TMEM181: variants seen among roughly 807,000 people sequenced by gnomAD.
TMEM181 encodes the protein G protein-coupled receptor 178.
Under a neutral mutation model 71.9 loss-of-function variants are expected in TMEM181, and 39 were observed. The ratio of observed to expected loss-of-function variants is 0.54; its 90% CI spans 0.42 to 0.71. TMEM181 has a LOEUF of 0.71. TMEM181 is among the 30% of genes least tolerant of loss of function. The probability of loss-of-function intolerance (pLI) is 0.00; values close to 1 mark genes in which losing one functional copy is unlikely to be tolerated. For missense variants in TMEM181, 595 were observed against 583.0 expected, an observed-to-expected ratio of 1.02 and a Z score of -0.21; for synonymous variants, 245 against 228.8, an observed-to-expected ratio of 1.07 and a Z score of -0.64.
intron 1 of TMEM181, among the ~76,000 whole-genome samples, chr6:158,569,960 A>G (rs1347386348): frequency 6.6e-6 from 1 of 152,210 alleles, no homozygotes; most frequent in African/African-American, 2.4e-5. Context: ...TTGCTAAATA[A>G]CTGTGCTAGT....
chr6:158,607,348 G>A lies in TMEM181; in HGVS notation c.673+5G>A. ...CTCTGCTGCTACTTTACAATGGTGG[G>A]TAGTTCCATTTTTACTTAGGAACTT... On this transcript the variant is annotated splice_donor_5th_base_variant and intron_variant, in intron 8 of 16. Coordinates refer to ENST00000684151, the MANE Select transcript of TMEM181 (RefSeq NM_001376852.1). 1.2e-6 allele frequency: 2 copies of A among 1,613,248 alleles called. No individual in the cohort carries two copies. The highest frequency in any genetic ancestry group is 8.5e-7 in the Non-Finnish European group (1 of 1,179,152).
chr6:158,622,059 G>A (rs975140016), intron 10 of TMEM181, among the ~76,000 whole-genome samples: 3 of 152,052 alleles, frequency 2.0e-5, no homozygotes, highest in African/African-American at 4.8e-5. Flanking sequence ...CCAGACACCC[G>A]CCCTGCCTGC....
In TMEM181 at chr6:158,633,272, T is replaced by C. The variant is rs1055899701; in HGVS notation, c.*1384T>C. 13 of 152,116 alleles carry C rather than the reference T, an allele frequency of 8.5e-5. No individual in the cohort carries two copies. Among genetic ancestry groups the C allele is most frequent in the African/African-American group, 2.9e-4 (12 of 41,412 alleles). 9.4% of individuals were successfully genotyped at this position (152,116 alleles called of 1,614,324 possible). A position where few individuals can be genotyped will look rare whatever the true frequency, so the allele number is the denominator to read the frequency against. ...TCCATGTGTCCACATGGCGGTCAGG[T>C]AGGGACGACCTGTTCTGTAAAGTCC... On this transcript the variant is annotated 3_prime_UTR_variant, in exon 17 of 17. Transcript: ENST00000684151.
intron 6 of TMEM181, among the ~76,000 whole-genome samples, chr6:158,603,227 T>C (rs1784766517): frequency 6.6e-6 from 1 of 152,150 alleles, no homozygotes; most frequent in Admixed American, 6.5e-5. Flanking sequence ...TCCCCAGCCT[T>C]TTTGGCATCG....
chr6:158,567,690 C>T (rs1388673827), intron 1 of TMEM181, among the ~76,000 whole-genome samples: 1 of 152,204 alleles, frequency 6.6e-6, no homozygotes, highest in African/African-American at 2.4e-5. Flanking sequence ...AGAATTGAAG[C>T]TCTGGAGTTG....
chr6:158,605,952 C>T (rs1264277111), intron 7 of TMEM181, among the ~76,000 whole-genome samples: 5 of 152,166 alleles, frequency 3.3e-5, no homozygotes, highest in African/African-American at 1.2e-4. Flanking sequence ...GATCTGTTGC[C>T]GCCCGAAGTG....
At chr6:158,585,267 G>C in intron 4 of TMEM181, 37 bp from the exon 5 acceptor site, 1 of 1,553,036 alleles carries the variant, frequency 6.4e-7, no homozygotes, top group Non-Finnish European at 8.7e-7. Context: ...TGATGTGCCT[G>C]GCATGGTCTC....
rs535432434 is a variant in TMEM181 at position 158,541,504 on chromosome 6, T to C, written c.131+4639T>C. Among the ~76,000 whole-genome samples, 5 of 152,294 alleles carry C rather than the reference T, an allele frequency of 3.3e-5. No individual in the cohort carries two copies. In the South Asian group the frequency reaches 8.3e-4, roughly 25 times the overall value. On this transcript the variant is annotated intron_variant, in intron 1 of 16. Transcript: ENST00000367090. Reference sequence around the variant, plus strand: ...ACCCTGGGGCACCCATCTCCTCCTCTGATGGATTTTCCAATGGGTGGCAGT... The same window carrying C: ...ACCCTGGGGCACCCATCTCCTCCTCCGATGGATTTTCCAATGGGTGGCAGT...
intron 10 of TMEM181, chr6:158,610,705 G>A (rs1785249788): frequency 1.8e-5 from 5 of 285,558 alleles, no homozygotes; most frequent in South Asian, 1.3e-4. Context: ...CGTTATGGGC[G>A]CTCACTGCAG....
intron 1 of TMEM181, among the ~76,000 whole-genome samples, chr6:158,570,050 T>C (rs990929044): frequency 2.2e-4 from 33 of 152,202 alleles, no homozygotes; most frequent in Non-Finnish European, 4.4e-5. Flanking sequence ...GTAATTTCTC[T>C]TGTGCTTTTA....
At position 158,632,255 on chromosome 6, in the gene TMEM181, AGGTCCT is replaced by A; in HGVS notation, c.*368_*373del. The A allele has an allele frequency of 4.1e-6, 1 of 243,488 alleles. No individual in the cohort carries two copies. Among genetic ancestry groups the A allele is most frequent in the South Asian group, 4.8e-5 (1 of 21,016 alleles). 15.1% of individuals were successfully genotyped at this position (243,488 alleles called of 1,614,324 possible). On this transcript the variant is annotated 3_prime_UTR_variant, in exon 17 of 17. Transcript: ENST00000684151. The stretch of plus-strand genomic sequence containing the variant: ...CCAAGTTCACGGGCAGCCTGTGACT[AGGTCCT>A]CAGCGTGACAGCATCACCCTCTTTC...
intron 10 of TMEM181, among the ~76,000 whole-genome samples, chr6:158,617,162 C>T (rs1347690166): frequency 6.6e-6 from 1 of 152,136 alleles, no homozygotes; most frequent in Non-Finnish European, 1.5e-5. Flanking sequence ...AATTTCAGAG[C>T]CTGTTATTGG....
chr6:158,564,371 G>C (rs1646600135), intron 1 of TMEM181, among the ~76,000 whole-genome samples: 1 of 152,146 alleles, frequency 6.6e-6, no homozygotes, highest in African/African-American at 2.4e-5. Context: ...ACCCCAGCCT[G>C]TGTTTTCCCA....
chr6:158,620,812 C>T lies in TMEM181; in HGVS notation c.897-2738C>T, dbSNP rs1260101871. Among the ~76,000 whole-genome samples, 1 of 152,020 alleles carries T rather than the reference C, an allele frequency of 6.6e-6. No homozygotes were observed. The highest frequency in any genetic ancestry group is 1.5e-5 in the Non-Finnish European group (1 of 67,990). ...AGAGCCTCTGTCCCCAACATCTGTCCCGGGTTTCAGCACCAAATGTAAGTG... is the reference window on the plus strand; with the variant it reads ...AGAGCCTCTGTCCCCAACATCTGTCTCGGGTTTCAGCACCAAATGTAAGTG... On this transcript the variant is annotated intron_variant, in intron 10 of 16. Transcript: ENST00000684151. The surrounding 1 kb of genome is among the most constrained non-coding windows in gnomAD (Gnocchi z 4.5).
chr6:158,554,055 A>T (rs1180024916), intron 1 of TMEM181, among the ~76,000 whole-genome samples: 1 of 149,120 alleles, frequency 6.7e-6, no homozygotes, highest in Non-Finnish European at 1.5e-5. Context: ...TACAGGTGCC[A>T]GCCACCACGC....
chr6:158,608,269 G>C, intron 8 of TMEM181, 64 bp from the exon 9 acceptor site: 1 of 1,568,454 alleles, frequency 6.4e-7, no homozygotes, highest in Middle Eastern at 1.7e-4. Context: ...AGAGGTATGG[G>C]GTGCTGTCTG....
At chr6:158,540,472 C>A (rs1781300450) in intron 1 of TMEM181, among the ~76,000 whole-genome samples, 1 of 152,162 alleles carries the variant, frequency 6.6e-6, no homozygotes, top group Admixed American at 6.5e-5. Context: ...TAGCCAGATA[C>A]TAAAAAATAG....
chr6:158,604,087 G>A lies in TMEM181; in HGVS notation c.493-1180G>A, dbSNP rs537286225. Reference sequence around the variant, plus strand: ...TGGTGAGTTTCTTCTCTGTCTTGTGGGTGCCAGGCACTGGCTTTTTGGGAG... The same window carrying A: ...TGGTGAGTTTCTTCTCTGTCTTGTGAGTGCCAGGCACTGGCTTTTTGGGAG... On this transcript the variant is annotated intron_variant, in intron 6 of 16. Coordinates refer to ENST00000684151, the MANE Select transcript of TMEM181 (RefSeq NM_001376852.1). Among the ~76,000 whole-genome samples the A allele has an allele frequency of 6.8e-4, 103 of 152,304 alleles. No homozygotes were observed. The South Asian group carries it at 0.017, about 25-fold the overall frequency.
intron 7 of TMEM181, 57 bp downstream of exon 7, chr6:158,605,404 T>C: frequency 6.5e-7 from 1 of 1,532,092 alleles, no homozygotes; most frequent in Non-Finnish European, 9.0e-7. Context: ...GAAGCTGGTT[T>C]ATGCAGTTAG....
Sources: gnomAD v4.1 joint callset for allele counts (sites outside exome capture counted in the v4.1 genomes callset) on GRCh38, gnomAD v4.1.1 for gene constraint, Gnocchi (gnomAD v3.1) non-coding constraint, MANE v1.5 for transcripts, NCBI Gene and HGNC (gene_info 2026-07-23, HGNC 2026-07-21) for gene names.